IGSF9: variants seen among roughly 807,000 people sequenced by gnomAD.
IGSF9 encodes immunoglobulin superfamily member 9.
In IGSF9, 87 loss-of-function variants were observed where a neutral mutation model predicts 121.7. The observed-to-expected ratio is 0.71, with a 90% confidence interval of 0.60 to 0.85. IGSF9 has a LOEUF of 0.85. Ranked by LOEUF, IGSF9 falls within the 40% of genes least tolerant of loss-of-function variation. The pLI, the probability that IGSF9 is intolerant of heterozygous loss-of-function variation, is 0.00. For missense variants in IGSF9, 1,462 were observed against 1,565.3 expected (o/e 0.93, Z 1.11); for synonymous variants, 640 against 648.4 (o/e 0.99, Z 0.20).
intron 3 of IGSF9, among the ~76,000 whole-genome samples, chr1:159,941,711 G>T (rs577455979): frequency 6.6e-6 from 1 of 152,358 alleles, no homozygotes; most frequent in Non-Finnish European, 1.5e-5. Flanking sequence ...GCAACATTAT[G>T]AATCTGTCCA....
At position 159,931,126 on chromosome 1, in the gene IGSF9, C is replaced by T; in HGVS notation, c.1637+12G>A. 6.2e-7 allele frequency: 1 copy of T among 1,614,054 alleles called. No individual in the cohort carries two copies. Among genetic ancestry groups the T allele is most frequent in the Non-Finnish European group, 8.5e-7 (1 of 1,179,958 alleles). Reference sequence around the variant, plus strand: ...GATTGGCACAGAGAAATGGCAGGAGCAGGTCACTCACAGTGGGGTGTACCA... The same window carrying T: ...GATTGGCACAGAGAAATGGCAGGAGTAGGTCACTCACAGTGGGGTGTACCA... On this transcript the variant is annotated intron_variant, in intron 13 of 20. Transcript: ENST00000368094. This position sits in a 1 kb window ranked among gnomAD's most constrained non-coding sequence, Gnocchi z 4.8.
chr1:159,928,033 A>C, intron 19 of IGSF9, 125 bp downstream of exon 19: 2 of 1,482,980 alleles, frequency 1.3e-6, no homozygotes, highest in Non-Finnish European at 1.8e-6. Flanking sequence ...AAGCTTCTAA[A>C]AGGGACAAGT....
chr1:159,934,777 G>T lies in IGSF9; in HGVS notation c.719C>A (p.Ala240Asp), dbSNP rs1651129823. 6.2e-7 allele frequency: 1 copy of T among 1,614,176 alleles called. No homozygotes were observed. Among genetic ancestry groups the T allele is most frequent in the Non-Finnish European group, 8.5e-7 (1 of 1,180,016 alleles). The change falls in exon 7 of 21, where the codon GCC becomes GAC. Residue 240 changes from alanine (A) to aspartate (D), a missense_variant. Physicochemically the swap from Ala to Asp is moderately radical, Grantham distance 126. Coordinates refer to ENST00000368094, the MANE Select transcript of IGSF9 (RefSeq NM_001135050.2). Reference protein sequence around the residue: ...VVPPKNSTVNASQDVSLACHA... With the variant: ...VVPPKNSTVNDSQDVSLACHA... The stretch of plus-strand genomic sequence containing the variant: ...GCAGGCCAATGAAACATCCTGGGAG[G>T]CATTGACTGTGCTGTTCTTGGGGGG...
chr1:159,929,001 C>T lies in IGSF9; in HGVS notation c.2387G>A (p.Gly796Asp), dbSNP rs1482777831. Residue 796 changes from glycine (G) to aspartate (D), a missense_variant, in exon 19 of 21, where the codon GGC (glycine) becomes GAC (aspartate). Transcript: ENST00000368094. Reference sequence around the variant, plus strand: ...CAGCTTCGCCACGCTGTCAGGACTGCCTGAGCCCAGAGCAGAGCTGGGGAA... The same window carrying T: ...CAGCTTCGCCACGCTGTCAGGACTGTCTGAGCCCAGAGCAGAGCTGGGGAA... ...KSAAPSALGSGSPDSVAKLKL... is the reference protein window; with the variant it reads ...KSAAPSALGSDSPDSVAKLKL... 2 of 1,519,392 alleles carry T rather than the reference C, an allele frequency of 1.3e-6. No individual in the cohort carries two copies. The highest frequency in any genetic ancestry group is 8.8e-7 in the Non-Finnish European group (1 of 1,135,272). 94.1% of individuals were successfully genotyped at this position (1,519,392 alleles called of 1,614,324 possible). A position where few individuals can be genotyped will look rare whatever the true frequency, so the allele number is the denominator to read the frequency against.
At position 159,943,169 on chromosome 1, in the gene IGSF9, T is replaced by C. The variant is rs778159607; in HGVS notation, c.59-18A>G. 1 of 1,578,090 alleles carries C rather than the reference T, an allele frequency of 6.3e-7. No homozygotes were observed. The highest frequency in any genetic ancestry group is 8.6e-7 in the Non-Finnish European group (1 of 1,165,940). On this transcript the variant is annotated intron_variant, in intron 2 of 20. Coordinates refer to ENST00000368094, the MANE Select transcript of IGSF9 (RefSeq NM_001135050.2). The stretch of plus-strand genomic sequence containing the variant: ...CCCTCGACCTGCATGATGGGTGGCA[T>C]GAGGGCACAACGGGGGGCTAGGGTC...
chr1:159,940,773 GA>G (rs1187625761), intron 3 of IGSF9, among the ~76,000 whole-genome samples: 16 of 152,180 alleles, frequency 1.1e-4, no homozygotes, highest in African/African-American at 3.6e-4. Flanking sequence ...CGAGGTCACT[GA>G]TTTTTATCAA....
Position 159,929,825 on chromosome 1 carries a change from G to A in IGSF9, c.2150-11C>T, listed in dbSNP as rs765002602. The A allele has an allele frequency of 1.9e-6, 3 of 1,600,202 alleles. No individual in the cohort carries two copies. The highest frequency in any genetic ancestry group is 1.3e-5 in the African/African-American group (1 of 74,698). ...GGTAGACCTCCAGACCTAGGCAGGG[G>A]TCCACGAGGGAGGGTCAGTGGACTC... On this transcript the variant is annotated splice_polypyrimidine_tract_variant and intron_variant, in intron 16 of 20. Coordinates refer to ENST00000368094, the MANE Select transcript of IGSF9 (RefSeq NM_001135050.2).
rs781138026 is a variant in IGSF9, at chr1:159,929,671, C to A, written c.2293G>T (p.Ala765Ser). Residue 765 changes from alanine (A) to serine (S), a missense_variant, in exon 17 of 21, where the codon GCT (alanine) becomes TCT (serine). Ala to Ser is a moderately conservative substitution (Grantham distance 99, BLOSUM62 1). This residue lies in a region of IGSF9 where 808 missense variants were observed against 815.2 expected (regional missense o/e 0.99). Coordinates refer to ENST00000368094, the MANE Select transcript of IGSF9 (RefSeq NM_001135050.2). The part of the protein sequence containing the change: ...LAGCLLNRRR[A>S]ARRRRKRLRQ... The stretch of plus-strand genomic sequence containing the variant: ...AGGCGCTTGCGGCGGCGGCGGGCAG[C>A]CCTGCGCCGGTTCAGGAGGCAGCCG... The A allele has an allele frequency of 6.3e-7, 1 of 1,595,114 alleles. No individual in the cohort carries two copies. Among genetic ancestry groups the A allele is most frequent in the Admixed American group, 1.8e-5 (1 of 56,292 alleles).
intron 1 of IGSF9, among the ~76,000 whole-genome samples, chr1:159,944,435 C>T (rs1329274507): frequency 6.6e-6 from 1 of 152,128 alleles, no homozygotes; most frequent in Admixed American, 6.5e-5. Context: ...CCTCACGATA[C>T]TGCCAAGCAG....
Position 159,927,841 on chromosome 1 carries a change from G to C in IGSF9, c.3277C>G (p.Pro1093Ala), listed in dbSNP as rs1233236242. The part of the protein sequence containing the change: ...DENYEWDSEF[P>A]GDMELLETLH... Reference sequence around the variant, plus strand: ...GTCTCCAGCAATTCCATGTCCCCAGGGAATTCTGAGTCCCACTCATAGTTC... The same window carrying C: ...GTCTCCAGCAATTCCATGTCCCCAGCGAATTCTGAGTCCCACTCATAGTTC... Residue 1093 changes from proline (P) to alanine (A), a missense_variant, in exon 20 of 21, where the codon CCT (proline) becomes GCT (alanine). Around this residue, in one of 3 missense-constraint regions of IGSF9, gnomAD observed 808 missense variants for 815.2 expected, o/e 0.99. Transcript: ENST00000368094. 2 of 1,613,634 alleles carry C rather than the reference G, an allele frequency of 1.2e-6. No individual in the cohort carries two copies. The highest frequency in any genetic ancestry group is 4.5e-5 in the East Asian group (2 of 44,862).
intron 14 of IGSF9, 98 bp downstream of exon 14, chr1:159,930,594 C>T: frequency 1.3e-6 from 2 of 1,565,722 alleles, no homozygotes; most frequent in Non-Finnish European, 1.7e-6. Flanking sequence ...CTGGCCAGCA[C>T]CTCTGCCCCT....
chr1:159,933,483 A>G (rs1474613273), intron 9 of IGSF9: 1 of 152,500 alleles, frequency 6.6e-6, no homozygotes, highest in African/African-American at 2.4e-5. Context: ...GAATGAGGCA[A>G]TAGTAACTTG....
intron 7 of IGSF9, 41 bp from the exon 8 acceptor site, chr1:159,934,611 C>T (rs1354757782): frequency 3.1e-6 from 5 of 1,613,094 alleles, no homozygotes; most frequent in Non-Finnish European, 4.2e-6. Context: ...AGGCCTTGCC[C>T]AGCCAAGCGG....
In IGSF9 at chr1:159,934,755, G is replaced by A. The variant is rs929948539; in HGVS notation, c.741C>T (p.Ala247=). The A allele has an allele frequency of 6.2e-7, 1 of 1,614,200 alleles. No individual in the cohort carries two copies. Among genetic ancestry groups the A allele is most frequent in the Admixed American group, 1.7e-5 (1 of 60,026 alleles). ...TVNASQDVSL[A]CHAEAYPANL... The stretch of plus-strand genomic sequence containing the variant: ...TAGCAGGGTATGCCTCAGCATGGCA[G>A]GCCAATGAAACATCCTGGGAGGCAT... The change falls in exon 7 of 21, where the codon GCC becomes GCT. Residue 247 remains alanine (A), a synonymous_variant. Transcript: ENST00000368094.
In IGSF9 at chr1:159,931,023, C is replaced by A; in HGVS notation, c.1637+115G>T. ...GAATCTGGAAACAGGGAAGCAGAGC[C>A]AGGACTGGTGAGGGATAGAGGGACA... On this transcript the variant is annotated intron_variant, in intron 13 of 20. Transcript: ENST00000368094. This position sits in a 1 kb window ranked among gnomAD's most constrained non-coding sequence, Gnocchi z 4.8. 1 of 1,507,148 alleles carries A rather than the reference C, an allele frequency of 6.6e-7. No homozygotes were observed. The highest frequency in any genetic ancestry group is 9.0e-7 in the Non-Finnish European group (1 of 1,107,460). 93.4% of individuals were successfully genotyped at this position (1,507,148 alleles called of 1,614,324 possible).
Position 159,931,174 on chromosome 1 carries a change from C to T in IGSF9, c.1601G>A (p.Gly534Asp). The T allele has an allele frequency of 6.2e-7, 1 of 1,614,132 alleles. No homozygotes were observed. Residue 534 changes from glycine (G) to aspartate (D), a missense_variant, in exon 13 of 21, where the codon GGT (glycine) becomes GAT (aspartate). By Grantham distance (94) the Gly-to-Asp change is moderately conservative. This residue lies in a region of IGSF9 where 96 missense variants were observed against 150.7 expected (regional missense o/e 0.64). Transcript: ENST00000368094. The surrounding 1 kb of genome is among the most constrained non-coding windows in gnomAD (Gnocchi z 4.8). ...NVSWEPGFDG[G>D]YLQRFSVWYT... is the part of the protein sequence containing the mutation. ...CCAGACACTGAATCTCTGCAGATAA[C>T]CACCATCAAAGCCAGGCTCCCAGGA...
chr1:159,932,337 G>T lies in IGSF9; in HGVS notation c.1245+175C>A. 1.5e-6 allele frequency: 1 copy of T among 657,762 alleles called. No homozygotes were observed. The highest frequency in any genetic ancestry group is 2.6e-6 in the Non-Finnish European group (1 of 385,284). 40.7% of individuals were successfully genotyped at this position (657,762 alleles called of 1,614,324 possible). A position where few individuals can be genotyped will look rare whatever the true frequency, so the allele number is the denominator to read the frequency against. On this transcript the variant is annotated intron_variant, in intron 10 of 20. Transcript: ENST00000368094. The surrounding 1 kb of genome is among the most constrained non-coding windows in gnomAD (Gnocchi z 4.1). ...GTCCCACCTCCCGAGCACCACCTCTGCAGAAACCTCTGGGATGGCATCAGG... is the reference window on the plus strand; with the variant it reads ...GTCCCACCTCCCGAGCACCACCTCTTCAGAAACCTCTGGGATGGCATCAGG...
chr1:159,932,431 C>A lies in IGSF9; in HGVS notation c.1245+81G>T. ...CTCCCCATGTGTCTGCCCCACCCCA[C>A]CCCCATCAGCCTGGCCTTAGCACCA... On this transcript the variant is annotated intron_variant, in intron 10 of 20. Coordinates refer to ENST00000368094, the MANE Select transcript of IGSF9 (RefSeq NM_001135050.2). The surrounding 1 kb of genome is among the most constrained non-coding windows in gnomAD (Gnocchi z 4.1). The A allele has an allele frequency of 7.3e-7, 1 of 1,372,836 alleles. No homozygotes were observed. 85.0% of individuals were successfully genotyped at this position (1,372,836 alleles called of 1,614,324 possible).
At chr1:159,939,395 T>C (rs189435765) in intron 3 of IGSF9, among the ~76,000 whole-genome samples, 14 of 152,274 alleles carry the variant, frequency 9.2e-5, no homozygotes, top group South Asian at 2.1e-4. Context: ...GCCTGGCTAA[T>C]TGTTTAATTT....
Sources: allele counts gnomAD v4.1 joint callset (sites outside exome capture counted in the v4.1 genomes callset), GRCh38; gene constraint gnomAD v4.1.1; regional missense constraint gnomAD v4.1.1; non-coding constraint Gnocchi (gnomAD v3.1); transcripts MANE v1.5; gene names NCBI Gene and HGNC (gene_info 2026-07-23, HGNC 2026-07-21).